The following PRKCZ variants were observed in gnomAD, a reference collection of about 807,000 sequenced individuals.
PRKCZ encodes the protein protein kinase C zeta, also known as protein kinase C zeta type.
In PRKCZ, 33 loss-of-function variants were observed where a neutral mutation model predicts 79.5. The observed-to-expected ratio is 0.41, with a 90% CI of 0.31 to 0.55. The LOEUF is 0.55. Among genes scored for constraint, PRKCZ ranks in the 20% least tolerant of loss-of-function variants. The pLI is 0.19. For synonymous variants in PRKCZ, 342 were observed against 320.9 expected (o/e 1.07, Z -0.70); for missense variants, 578 against 813.5 (o/e 0.71, Z 3.52).
intron 4 of PRKCZ, chr1:2,071,437 T>C: frequency 3.1e-6 from 1 of 323,822 alleles, no homozygotes; most frequent in Non-Finnish European, 6.3e-6. Flanking sequence ...CCTCCAGGCC[T>C]GGGTGGGCGG....
Position 2,135,277 on chromosome 1 carries a change from G to A in PRKCZ, c.350G>A (p.Arg117Gln), listed in dbSNP as rs751714354. ...CPGEDKSIYR[R>Q]GARRWRKLYR... ...TCCTTTCCAGAATCTATCTACCGCC[G>A]GGGAGCCAGAAGATGGAGGAAGCTG... Residue 117 changes from arginine to glutamine, a missense_variant, in exon 5 of 18, where the codon CGG becomes CAG. Physicochemically the swap from Arg to Gln is conservative, Grantham distance 43. Around this residue, in one of 4 missense-constraint regions of PRKCZ, gnomAD observed 228 missense variants for 211.6 expected, o/e 1.08. Coordinates refer to ENST00000378567, the MANE Select transcript of PRKCZ (RefSeq NM_002744.6). The A allele has an allele frequency of 9.3e-6, 15 of 1,612,704 alleles. No homozygotes were observed. The highest frequency in any genetic ancestry group is 4.5e-5 in the East Asian group (2 of 44,878).
intron 4 of PRKCZ, among the ~76,000 whole-genome samples, chr1:2,061,651 A>G (rs1317021658): frequency 6.6e-6 from 1 of 152,130 alleles, no homozygotes; most frequent in Non-Finnish European, 1.5e-5. Context: ...CGAGGAGGTC[A>G]GAGGCGGGTG....
chr1:2,065,368 C>G (rs1661033074), intron 4 of PRKCZ, among the ~76,000 whole-genome samples: 1 of 152,178 alleles, frequency 6.6e-6, no homozygotes, highest in African/African-American at 2.4e-5. Flanking sequence ...TAGAATTCCA[C>G]TACTCTGTTG....
intron 3 of PRKCZ, among the ~76,000 whole-genome samples, chr1:2,058,382 G>A (rs1465647167): frequency 6.6e-6 from 1 of 151,506 alleles, no homozygotes; most frequent in African/African-American, 2.4e-5. Context: ...GGAGGCTGAG[G>A]TGGGAGGATT....
At chr1:2,117,194 T>C (rs1670917570) in intron 4 of PRKCZ, among the ~76,000 whole-genome samples, 1 of 152,084 alleles carries the variant, frequency 6.6e-6, no homozygotes, top group South Asian at 2.1e-4. Flanking sequence ...AAGTGGTCCT[T>C]CTGCCTCAGC....
At chr1:2,136,104 C>G (rs948783538) in intron 5 of PRKCZ, among the ~76,000 whole-genome samples, 4 of 152,180 alleles carry the variant, frequency 2.6e-5, no homozygotes, top group Non-Finnish European at 5.9e-5. Context: ...TCCACACTCA[C>G]CTGCCACGTG....
rs117005246 is a variant in PRKCZ, at chr1:2,071,380, G to A, written c.334+11789G>A. On this transcript the variant is annotated intron_variant, in intron 4 of 17. Coordinates refer to ENST00000378567, the MANE Select transcript of PRKCZ (RefSeq NM_002744.6). ...GTCTGAGAGGAGGCGGCCAAACCTAGTGGGGCTGCGCGACCGCCTGTGGAA... is the reference window on the plus strand; with the variant it reads ...GTCTGAGAGGAGGCGGCCAAACCTAATGGGGCTGCGCGACCGCCTGTGGAA... 1,135 of 449,306 alleles carry A rather than the reference G, an allele frequency of 2.5e-3. 41 individuals carry two copies. The East Asian group carries it at 0.067, about 27-fold the overall frequency. 27.8% of individuals were successfully genotyped at this position (449,306 alleles called of 1,614,324 possible). A position where few individuals can be genotyped will look rare whatever the true frequency, so the allele number is the denominator to read the frequency against.
chr1:2,162,074 T>C (rs979202332), intron 10 of PRKCZ, among the ~76,000 whole-genome samples: 1 of 152,210 alleles, frequency 6.6e-6, no homozygotes, highest in Non-Finnish European at 1.5e-5. Flanking sequence ...CTTGTTTATT[T>C]TTCCATGTGG....
chr1:2,146,086 T>A lies in PRKCZ; in HGVS notation c.612T>A (p.Leu204=). The A allele has an allele frequency of 6.2e-7, 1 of 1,614,032 alleles. No individual in the cohort carries two copies. Among genetic ancestry groups the A allele is most frequent in the Non-Finnish European group, 8.5e-7 (1 of 1,179,914 alleles). The change falls in exon 7 of 18, where the codon CTT becomes CTA. Residue 204 remains leucine, a synonymous_variant. Transcript: ENST00000378567. ...PVDDKNEDAD[L]PSEETDGIAY... The stretch of plus-strand genomic sequence containing the variant: ...ACGACAAGAACGAGGACGCCGACCT[T>A]CCTTCCGAGGAGACAGATGGAAGTA...
chr1:2,143,957 C>G (rs182374353), intron 5 of PRKCZ: 1 of 455,966 alleles, frequency 2.2e-6, no homozygotes, highest in Non-Finnish European at 3.9e-6. Context: ...GGCACCTCCC[C>G]TGTGTCCCCT....
intron 4 of PRKCZ, among the ~76,000 whole-genome samples, chr1:2,069,984 G>A (rs555475909): frequency 2.9e-4 from 44 of 152,312 alleles, no homozygotes; most frequent in Middle Eastern, 3.4e-3. Context: ...GCCGGGGGTA[G>A]CCTGGCTTTG....
intron 4 of PRKCZ, among the ~76,000 whole-genome samples, chr1:2,064,301 C>T: frequency 6.6e-6 from 1 of 152,180 alleles, no homozygotes; most frequent in African/African-American, 2.4e-5. Flanking sequence ...CAAATATCTT[C>T]TCCTGCTTTG....
chr1:2,171,220 G>C (rs994825462), intron 11 of PRKCZ, among the ~76,000 whole-genome samples: 1 of 151,212 alleles, frequency 6.6e-6, no homozygotes, highest in African/African-American at 2.4e-5. Flanking sequence ...GCGGGCGCCT[G>C]TAGTCCTAGC....
intron 15 of PRKCZ, 131 bp from the exon 16 acceptor site, chr1:2,175,093 T>C (rs895258069): frequency 5.0e-6 from 4 of 802,490 alleles, no homozygotes; most frequent in Middle Eastern, 5.1e-4. Flanking sequence ...AAAGGAAACA[T>C]CTGATTTCCA....
chr1:2,141,345 C>CTTTTT (rs144339432), intron 5 of PRKCZ: 1 of 123,568 alleles, frequency 8.1e-6, no homozygotes, highest in Non-Finnish European at 1.7e-5. Context: ...TTTTCTTTTT[C>CTTTTT]TTTTTTTTTT....
At chr1:2,135,832 A>C (rs567533263) in intron 5 of PRKCZ, among the ~76,000 whole-genome samples, 1 of 152,204 alleles carries the variant, frequency 6.6e-6, no homozygotes, top group Non-Finnish European at 1.5e-5. Flanking sequence ...TCCAGAGGAC[A>C]CTTAGCTTAT....
intron 4 of PRKCZ, among the ~76,000 whole-genome samples, chr1:2,060,932 C>T (rs1446101185): frequency 6.6e-6 from 1 of 152,216 alleles, no homozygotes; most frequent in African/African-American, 2.4e-5. Context: ...GTGCCCACGC[C>T]TCACGGACCC....
At chr1:2,059,952 G>A (rs573076180) in intron 4 of PRKCZ, among the ~76,000 whole-genome samples, 86 of 152,348 alleles carry the variant, frequency 5.6e-4, no homozygotes, top group African/African-American at 2.0e-3. Context: ...CCTGGTCCCT[G>A]CTGGCCCCTG....
intron 10 of PRKCZ, among the ~76,000 whole-genome samples, chr1:2,167,805 A>G (rs941218623): frequency 1.1e-4 from 17 of 152,134 alleles, no homozygotes; most frequent in Non-Finnish European, 5.9e-5. Flanking sequence ...AGGTTTCACC[A>G]TGTTGGCCAG....
Sources: allele counts gnomAD v4.1 joint callset (sites outside exome capture counted in the v4.1 genomes callset), GRCh38; gene constraint gnomAD v4.1.1; regional missense constraint gnomAD v4.1.1; transcripts MANE v1.5; gene names NCBI Gene and HGNC (gene_info 2026-07-23, HGNC 2026-07-21).